The following MIS18A variants were observed in gnomAD, a reference collection of about 807,000 sequenced individuals.
MIS18A encodes the protein MIS18 kinetochore protein A.
A neutral mutation model predicts 25.0 loss-of-function variants in MIS18A; 14 were observed. The ratio of observed to expected loss-of-function variants is 0.56; its 90% CI spans 0.37 to 0.88. The LOEUF is 0.88. MIS18A is among the 40% of genes least tolerant of loss of function. The pLI is 0.00. For synonymous variants in MIS18A, 134 were observed against 118.6 expected (o/e 1.13, Z -0.84); for missense variants, 292 against 290.8 (o/e 1.00, Z -0.03).
chr21:32,197,572 G>C, the MIS18A span, among the ~76,000 whole-genome samples: 1 of 152,306 alleles, frequency 6.6e-6, no homozygotes, highest in South Asian at 2.1e-4. Context: ...AATATTTTGA[G>C]CAACTATGCA....
At chr21:32,154,738 T>A in the MIS18A span, among the ~76,000 whole-genome samples, 3 of 151,954 alleles carry the variant, frequency 2.0e-5, no homozygotes, top group Non-Finnish European at 4.4e-5. Flanking sequence ...GCAGGAGAAG[T>A]TATATAATTC....
the MIS18A span, among the ~76,000 whole-genome samples, chr21:32,233,056 A>G: frequency 2.6e-5 from 4 of 152,214 alleles, no homozygotes; most frequent in Non-Finnish European, 5.9e-5. Flanking sequence ...TAACCTCTAT[A>G]TTCTGGGCAA....
chr21:32,173,506 C>A, the MIS18A span, among the ~76,000 whole-genome samples: 5 of 152,070 alleles, frequency 3.3e-5, no homozygotes, highest in African/African-American at 1.2e-4. Context: ...ATGTTCCTAG[C>A]AACATTTTTT....
At chr21:32,170,885 C>T in the MIS18A span, among the ~76,000 whole-genome samples, 4 of 151,946 alleles carry the variant, frequency 2.6e-5, no homozygotes, top group East Asian at 5.8e-4. Flanking sequence ...AGGGGGGAAA[C>T]ATATGATCAT....
At chr21:32,200,610 A>G in the MIS18A span, among the ~76,000 whole-genome samples, 2 of 149,504 alleles carry the variant, frequency 1.3e-5, no homozygotes, top group African/African-American at 4.9e-5. Context: ...ATTTTTTTGT[A>G]TTTTTTTTTA....
chr21:32,197,493 T>C, the MIS18A span, among the ~76,000 whole-genome samples: 3 of 152,246 alleles, frequency 2.0e-5, no homozygotes, highest in Non-Finnish European at 1.5e-5. Flanking sequence ...GGTTTTTTAA[T>C]GGATTCAATA....
chr21:32,249,194 C>A, the MIS18A span, among the ~76,000 whole-genome samples: 20 of 152,316 alleles, frequency 1.3e-4, 1 homozygote, highest in African/African-American at 4.8e-4. Context: ...GCCCTGGCCT[C>A]TTAGTGCAGC....
At chr21:32,258,184 A>C in the MIS18A span, among the ~76,000 whole-genome samples, 3 of 152,196 alleles carry the variant, frequency 2.0e-5, no homozygotes, top group Non-Finnish European at 2.9e-5. Flanking sequence ...ATTTAGTAAC[A>C]AATCTGAGTC....
chr21:32,175,386 CA>C, the MIS18A span, among the ~76,000 whole-genome samples: 1 of 152,132 alleles, frequency 6.6e-6, no homozygotes, highest in African/African-American at 2.4e-5. Flanking sequence ...ACTTAGGTCA[CA>C]CAAATTTATA....
At position 32,276,329 on chromosome 21, in the gene MIS18A, C is replaced by T. The variant is rs140013914; in HGVS notation, c.335-1433G>A. On this transcript the variant is annotated intron_variant, in intron 1 of 4. Coordinates refer to ENST00000290130, the MANE Select transcript of MIS18A (RefSeq NM_018944.3). ...CAAAAAAATTAGCGGGGTGTGGTGGCGGGAGCCTGCAGTCCCAGCTACTCA... is the reference window on the plus strand; with the variant it reads ...CAAAAAAATTAGCGGGGTGTGGTGGTGGGAGCCTGCAGTCCCAGCTACTCA... 7.3e-3 allele frequency among the ~76,000 whole-genome samples: 1,108 copies of T among 151,768 alleles called. 15 individuals carry two copies. Among genetic ancestry groups the T allele is most frequent in the African/African-American group, 0.024 (1,007 of 41,416 alleles).
At chr21:32,185,888 T>G in the MIS18A span, among the ~76,000 whole-genome samples, 2 of 152,178 alleles carry the variant, frequency 1.3e-5, no homozygotes, top group African/African-American at 4.8e-5. Flanking sequence ...TTCCGGTAAC[T>G]TCATCCTGCA....
intron 1 of MIS18A, among the ~76,000 whole-genome samples, chr21:32,277,367 T>C (rs1176968180): frequency 6.6e-6 from 1 of 152,196 alleles, no homozygotes; most frequent in Non-Finnish European, 1.5e-5. Flanking sequence ...AGATGTAACA[T>C]CAAACACGTT....
the MIS18A span, among the ~76,000 whole-genome samples, chr21:32,202,709 C>G: frequency 0.035 from 5,371 of 152,244 alleles, 134 homozygotes; most frequent in Non-Finnish European, 0.052. Flanking sequence ...GAGACTTTAC[C>G]TAAGTGAAAT....
At chr21:32,274,699 T>A in intron 2 of MIS18A, 131 bp downstream of exon 2, 1 of 703,638 alleles carries the variant, frequency 1.4e-6, no homozygotes, top group African/African-American at 1.8e-5. Flanking sequence ...AACTGATATA[T>A]GCGAACGACT....
the MIS18A span, among the ~76,000 whole-genome samples, chr21:32,163,491 C>T: frequency 6.6e-6 from 1 of 152,210 alleles, no homozygotes; most frequent in Non-Finnish European, 1.5e-5. Context: ...GCAGGTCAAC[C>T]CAGGCCAAGG....
At chr21:32,180,060 C>T in the MIS18A span, among the ~76,000 whole-genome samples, 1 of 152,086 alleles carries the variant, frequency 6.6e-6, no homozygotes, top group Non-Finnish European at 1.5e-5. Flanking sequence ...TCAAAGAAAC[C>T]CAGAACTGGC....
At chr21:32,156,414 T>C in the MIS18A span, 2 of 152,228 alleles carry the variant, frequency 1.3e-5, no homozygotes, top group Non-Finnish European at 2.9e-5. Context: ...TCACAGTTTT[T>C]GCCATCAGTC....
At chr21:32,266,704 G>A (rs1342738700), downstream of MIS18A, among the ~76,000 whole-genome samples, 2 of 151,680 alleles carry the variant, frequency 1.3e-5, no homozygotes, top group African/African-American at 4.8e-5. Context: ...CTGAACATCA[G>A]AAGGGACAGA....
downstream of MIS18A, among the ~76,000 whole-genome samples, chr21:32,267,629 TTGC>T (rs938702332): frequency 5.8e-4 from 89 of 152,340 alleles, no homozygotes; most frequent in African/African-American, 2.0e-3. Context: ...CTGAAAATGC[TTGC>T]TGGAGTACTC....
Sources: gnomAD v4.1 joint callset for allele counts (sites outside exome capture counted in the v4.1 genomes callset) on GRCh38, gnomAD v4.1.1 for gene constraint, MANE v1.5 for transcripts, NCBI Gene and HGNC (gene_info 2026-07-23, HGNC 2026-07-21) for gene names.